BOD1L1: variants seen among roughly 807,000 people sequenced by gnomAD.
BOD1L1 encodes the protein biorientation of chromosomes in cell division 1 like 1, also known as biorientation of chromosomes in cell division protein 1-like 1.
In BOD1L1, 86 loss-of-function variants were observed where a neutral mutation model predicts 240.7. The observed-to-expected ratio is 0.36, with a 90% CI of 0.30 to 0.43. The LOEUF (loss-of-function observed/expected upper bound fraction) is 0.43. Ranked by LOEUF, BOD1L1 falls within the 20% of genes least tolerant of loss-of-function variation. The pLI is 1.00. For missense variants in BOD1L1, 3,554 were observed against 3,643.5 expected (o/e 0.98, Z 0.63); for synonymous variants, 1,268 against 1,272.3 (o/e 1.00, Z 0.07).
At position 13,569,457 on chromosome 4, in the gene BOD1L1, A is replaced by AGCAG. The variant is rs1216602964; in HGVS notation, c.*550_*553dup. 6.6e-6 allele frequency: 1 copy of AGCAG among 152,238 alleles called. No individual in the cohort carries two copies. The highest frequency in any genetic ancestry group is 1.5e-5 in the Non-Finnish European group (1 of 68,042). 9.4% of individuals were successfully genotyped at this position (152,238 alleles called of 1,614,324 possible). A position where few individuals can be genotyped will look rare whatever the true frequency, so the allele number is the denominator to read the frequency against. On this transcript the variant is annotated 3_prime_UTR_variant, in exon 26 of 26. Coordinates refer to ENST00000040738, the MANE Select transcript of BOD1L1 (RefSeq NM_148894.3). ...CCAGATCATATTAAGATAGTTACAG[A>AGCAG]GCAGGCAGAGTCCTAAAAAATTTTC... is the stretch of plus-strand genomic sequence containing the variant.
At chr4:13,619,326 T>G (rs1169218955) in intron 2 of BOD1L1, among the ~76,000 whole-genome samples, 3 of 103,340 alleles carry the variant, frequency 2.9e-5, no homozygotes, top group Non-Finnish European at 6.6e-5. Context: ...AAAAAAAAAG[T>G]AGAAGACCGT....
intron 2 of BOD1L1, among the ~76,000 whole-genome samples, chr4:13,617,974 A>T (rs1325056358): frequency 6.6e-6 from 1 of 152,214 alleles, no homozygotes; most frequent in Non-Finnish European, 1.5e-5. Context: ...GTCTCCAGAA[A>T]AAGAGATTCC....
rs1012513302 is a variant in BOD1L1 at position 13,604,339 on chromosome 4, G to T, written c.2561C>A (p.Ser854Tyr). The T allele has an allele frequency of 4.4e-6, 7 of 1,580,906 alleles. No individual in the cohort carries two copies. In the East Asian group the frequency reaches 1.3e-4, roughly 30 times the overall value. ...GATACCATGTTGCTTGGAACCCAGA[G>T]AATCTTTCTGAATTTTAGAATCACT... ...RSSDSKIQKD[S>Y]LGSKQHGITL... The change falls in exon 10 of 26, where the codon TCT becomes TAT. Residue 854 changes from serine (S) to tyrosine (Y), a missense_variant. This residue lies in a region of BOD1L1 where 3,393 missense variants were observed against 3,427.1 expected (regional missense o/e 0.99). Coordinates refer to ENST00000040738, the MANE Select transcript of BOD1L1 (RefSeq NM_148894.3).
chr4:13,587,064 G>A (rs1213036271), intron 16 of BOD1L1, among the ~76,000 whole-genome samples: 1 of 152,148 alleles, frequency 6.6e-6, no homozygotes. Flanking sequence ...CATTCAATAA[G>A]TATTGAACTT....
At position 13,604,642 on chromosome 4, in the gene BOD1L1, G is replaced by T; in HGVS notation, c.2258C>A (p.Thr753Lys). The T allele has an allele frequency of 6.3e-7, 1 of 1,581,016 alleles. No individual in the cohort carries two copies. Among genetic ancestry groups the T allele is most frequent in the Non-Finnish European group, 8.5e-7 (1 of 1,170,656 alleles). Residue 753 changes from threonine to lysine, a missense_variant, in exon 10 of 26, where the codon ACA (threonine) becomes AAA (lysine). Physicochemically the swap from Thr to Lys is moderately conservative, Grantham distance 78. This residue lies in a region of BOD1L1 where 3,393 missense variants were observed against 3,427.1 expected (regional missense o/e 0.99). Coordinates refer to ENST00000040738, the MANE Select transcript of BOD1L1 (RefSeq NM_148894.3). ...AGAGTGAAGCTCAGTCTCATCACCTGTTTTATGCATACAATCACCTTTATA... is the reference window on the plus strand; with the variant it reads ...AGAGTGAAGCTCAGTCTCATCACCTTTTTTATGCATACAATCACCTTTATA... ...HKYKGDCMHK[T>K]GDETELHSSE...
intron 1 of BOD1L1, among the ~76,000 whole-genome samples, chr4:13,622,418 GA>G (rs1717103618): frequency 1.3e-5 from 2 of 151,996 alleles, no homozygotes; most frequent in South Asian, 4.1e-4. Flanking sequence ...ATTCTCCTAG[GA>G]ACATGTATGT....
chr4:13,598,395 C>T (rs1212081912), intron 10 of BOD1L1, among the ~76,000 whole-genome samples: 2 of 152,130 alleles, frequency 1.3e-5, no homozygotes, highest in South Asian at 2.1e-4. Context: ...GGGTTGGAAT[C>T]GTGTTTGCCT....
Position 13,604,842 on chromosome 4 carries a change from G to A in BOD1L1, c.2058C>T (p.Cys686=), listed in dbSNP as rs779697139. The change falls in exon 10 of 26, where the codon TGC becomes TGT. Residue 686 remains cysteine, a synonymous_variant. Transcript: ENST00000040738. ...VKRQVERSEI[C]TEEPQKQKST... ...TTTTCTGTTTCTGGGGCTCTTCGGTGCAAATTTCTGAGCGTTCTACTTGCC... is the reference window on the plus strand; with the variant it reads ...TTTTCTGTTTCTGGGGCTCTTCGGTACAAATTTCTGAGCGTTCTACTTGCC... 22 of 1,611,528 alleles carry A rather than the reference G, an allele frequency of 1.4e-5. No individual in the cohort carries two copies. The highest frequency in any genetic ancestry group is 2.7e-5 in the African/African-American group (2 of 74,638).
chr4:13,625,922 T>C (rs1031230473), intron 1 of BOD1L1: 2 of 152,188 alleles, frequency 1.3e-5, no homozygotes, highest in Admixed American at 6.5e-5. Context: ...TGTACCAGGA[T>C]ATTCAAGAGT....
At chr4:13,606,969 C>A in intron 9 of BOD1L1, 148 bp downstream of exon 9, 1 of 477,316 alleles carries the variant, frequency 2.1e-6, no homozygotes, top group South Asian at 3.0e-5. Flanking sequence ...TGGGACATAA[C>A]AAAATGGGGT....
chr4:13,569,952 G>A lies in BOD1L1; in HGVS notation c.*59C>T. 1 of 1,272,872 alleles carries A rather than the reference G, an allele frequency of 7.9e-7. No individual in the cohort carries two copies. The highest frequency in any genetic ancestry group is 1.0e-6 in the Non-Finnish European group (1 of 952,672). 78.8% of individuals were successfully genotyped at this position (1,272,872 alleles called of 1,614,324 possible). A position where few individuals can be genotyped will look rare whatever the true frequency, so the allele number is the denominator to read the frequency against. ...TAAAGAGAAGCCTATGGCCACCAAG[G>A]CATGTCTCTTTCCTCTCCACCGTGT... On this transcript the variant is annotated 3_prime_UTR_variant, in exon 26 of 26. Coordinates refer to ENST00000040738, the MANE Select transcript of BOD1L1 (RefSeq NM_148894.3).
At chr4:13,578,884 A>G (rs1712991379) in intron 22 of BOD1L1, among the ~76,000 whole-genome samples, 2 of 152,228 alleles carry the variant, frequency 1.3e-5, no homozygotes, top group Admixed American at 1.3e-4. Context: ...AGTACATTTT[A>G]TGACCTGTTT....
In BOD1L1 at chr4:13,601,802, C is replaced by T. The variant is rs1339535218; in HGVS notation, c.5098G>A (p.Gly1700Arg). 6.2e-7 allele frequency: 1 copy of T among 1,613,866 alleles called. No individual in the cohort carries two copies. The highest frequency in any genetic ancestry group is 8.5e-7 in the Non-Finnish European group (1 of 1,179,906). The change falls in exon 10 of 26, where the codon GGA becomes AGA. Residue 1700 changes from glycine to arginine, a missense_variant. By Grantham distance (125) the Gly-to-Arg change is moderately radical. This residue lies in a region of BOD1L1 where 3,393 missense variants were observed against 3,427.1 expected (regional missense o/e 0.99). Coordinates refer to ENST00000040738, the MANE Select transcript of BOD1L1 (RefSeq NM_148894.3). Reference protein sequence around the residue: ...VTSAGTEIRAGSISSEEVDGS... With the variant: ...VTSAGTEIRARSISSEEVDGS... ...TCCACCTCTTCACTGCTTATAGATCCTGCTCTTATCTCTGTTCCAGCACTT... is the reference window on the plus strand; with the variant it reads ...TCCACCTCTTCACTGCTTATAGATCTTGCTCTTATCTCTGTTCCAGCACTT...
chr4:13,618,834 G>A (rs1716815151), intron 2 of BOD1L1, among the ~76,000 whole-genome samples: 1 of 150,776 alleles, frequency 6.6e-6, no homozygotes, highest in East Asian at 2.0e-4. Context: ...GAAATTAAGA[G>A]GTGGCAGGTA....
chr4:13,592,083 C>T lies in BOD1L1; in HGVS notation c.8105-117G>A. On this transcript the variant is annotated intron_variant, in intron 12 of 25. Transcript: ENST00000040738. ...TATCCTATGTCACCAAGTGGCTTAG[C>T]TGCTTTCATAAATTATAAAAATCTG... 9.1e-6 allele frequency: 6 copies of T among 656,542 alleles called. No individual in the cohort carries two copies. The South Asian group carries it at 1.3e-4, about 14-fold the overall frequency. The allele number at this position is 656,542 out of a possible 1,614,324, so 40.7% of individuals were successfully genotyped here.
In BOD1L1 at chr4:13,592,099, T is replaced by G. The variant is rs555120517; in HGVS notation, c.8105-133A>C. On this transcript the variant is annotated intron_variant, in intron 12 of 25. Transcript: ENST00000040738. ...GTGGCTTAGCTGCTTTCATAAATTA[T>G]AAAAATCTGACCAGTTATTTCCCAC... 126 of 609,012 alleles carry G rather than the reference T, an allele frequency of 2.1e-4. No individual in the cohort carries two copies. The South Asian group carries it at 2.8e-3, about 14-fold the overall frequency. 37.7% of individuals were successfully genotyped at this position (609,012 alleles called of 1,614,324 possible).
At chr4:13,591,843 C>A in intron 13 of BOD1L1, 80 bp downstream of exon 13, 2 of 1,001,362 alleles carry the variant, frequency 2.0e-6, no homozygotes, top group Non-Finnish European at 2.9e-6. Context: ...CTTCAGATGG[C>A]TCCTCCTCAA....
At position 13,600,780 on chromosome 4, in the gene BOD1L1, A is replaced by T; in HGVS notation, c.6120T>A (p.Asn2040Lys). Reference sequence around the variant, plus strand: ...TTGCCATGAGACCATCACACTCTTCATTTTCTACAGAGGTGATGATGTCCT... The same window carrying T: ...TTGCCATGAGACCATCACACTCTTCTTTTTCTACAGAGGTGATGATGTCCT... Reference protein sequence around the residue: ...EDEDIITSVENEECDGLMATT... With the variant: ...EDEDIITSVEKEECDGLMATT... Residue 2040 changes from asparagine (N) to lysine (K), a missense_variant, in exon 10 of 26, where the codon AAT becomes AAA. Transcript: ENST00000040738. 1 of 1,613,826 alleles carries T rather than the reference A, an allele frequency of 6.2e-7. No individual in the cohort carries two copies. The highest frequency in any genetic ancestry group is 2.2e-5 in the East Asian group (1 of 44,874).
At chr4:13,583,247 A>C (rs1560183441) in intron 17 of BOD1L1, among the ~76,000 whole-genome samples, 2 of 152,232 alleles carry the variant, frequency 1.3e-5, no homozygotes, top group Non-Finnish European at 2.9e-5. Flanking sequence ...TGAAATGCCA[A>C]AATGTTTCAA....
Sources: allele counts gnomAD v4.1 joint callset (sites outside exome capture counted in the v4.1 genomes callset), GRCh38; gene constraint gnomAD v4.1.1; regional missense constraint gnomAD v4.1.1; transcripts MANE v1.5; gene names NCBI Gene and HGNC (gene_info 2026-07-23, HGNC 2026-07-21).